Variants in RUSC2 observed in about 807,000 individuals in gnomAD.
The protein encoded by RUSC2 is AP-4 complex accessory subunit RUSC2.
Under a neutral mutation model 122.2 loss-of-function variants are expected in RUSC2, and 34 were observed. The observed-to-expected ratio is 0.28, with a 90% confidence interval of 0.21 to 0.37. The LOEUF (loss-of-function observed/expected upper bound fraction) is 0.37. Ranked by LOEUF, RUSC2 falls within the 10% of genes least tolerant of loss-of-function variation. The pLI is 1.00. For missense variants in RUSC2, 1,747 were observed against 1,952.4 expected, an observed-to-expected ratio of 0.89 and a Z score of 1.98; for synonymous variants, 784 against 790.0, an observed-to-expected ratio of 0.99 and a Z score of 0.13.
chr9:35,502,121 A>C (rs1395966522), intron 1 of RUSC2, among the ~76,000 whole-genome samples: 1 of 152,190 alleles, frequency 6.6e-6, no homozygotes, highest in Non-Finnish European at 1.5e-5. Flanking sequence ...ATTCTGATTC[A>C]GTACATCTGG....
chr9:35,501,088 T>C (rs1355360635), intron 1 of RUSC2, among the ~76,000 whole-genome samples: 3 of 152,226 alleles, frequency 2.0e-5, no homozygotes, highest in Admixed American at 2.0e-4. Context: ...TTTCAAACTT[T>C]TTTTAAAACA....
At chr9:35,501,030 C>T (rs775918674) in intron 1 of RUSC2, among the ~76,000 whole-genome samples, 6 of 152,176 alleles carry the variant, frequency 3.9e-5, no homozygotes, top group Non-Finnish European at 8.8e-5. Context: ...AAAAAGACAG[C>T]TGTGGCTTTT....
chr9:35,496,625 T>C (rs916950995), intron 1 of RUSC2, among the ~76,000 whole-genome samples: 2 of 152,198 alleles, frequency 1.3e-5, no homozygotes, highest in Non-Finnish European at 2.9e-5. Context: ...TTGTTATGAA[T>C]GTAACATGTA....
chr9:35,490,700 G>A (rs1820549727), intron 1 of RUSC2, among the ~76,000 whole-genome samples: 1 of 152,158 alleles, frequency 6.6e-6, no homozygotes, highest in Non-Finnish European at 1.5e-5. Context: ...GCCCGGCGCC[G>A]GCGTTGCTTC....
chr9:35,552,062 TA>T (rs1276355639), intron 2 of RUSC2, among the ~76,000 whole-genome samples: 1 of 149,884 alleles, frequency 6.7e-6, no homozygotes, highest in African/African-American at 2.5e-5. Context: ...ATCCTGTCTC[TA>T]AAAAAAATTA....
intron 1 of RUSC2, among the ~76,000 whole-genome samples, chr9:35,543,589 C>T (rs999583262): frequency 3.2e-4 from 49 of 152,164 alleles, no homozygotes; most frequent in African/African-American, 1.2e-3. Context: ...TTCTTCTATG[C>T]ATACAGACAT....
At chr9:35,553,912 A>C (rs1349734350) in intron 2 of RUSC2, among the ~76,000 whole-genome samples, 2 of 152,226 alleles carry the variant, frequency 1.3e-5, no homozygotes, top group Non-Finnish European at 2.9e-5. Flanking sequence ...CATGTAGTAC[A>C]ATGTGGTAAA....
rs1445968642 is a variant in RUSC2 at position 35,555,895 on chromosome 9, T to G, written c.2657-57T>G. The stretch of plus-strand genomic sequence containing the variant: ...TGGGCCCACTGGGTGGATGTGAAAC[T>G]CTGTCTCGCTGTCTCCTGCCAACTC... On this transcript the variant is annotated intron_variant, in intron 3 of 11. Transcript: ENST00000361226. The surrounding 1 kb of genome is among the most constrained non-coding windows in gnomAD (Gnocchi z 4.6). 3 of 1,578,742 alleles carry G rather than the reference T, an allele frequency of 1.9e-6. No homozygotes were observed. The highest frequency in any genetic ancestry group is 4.5e-5 in the East Asian group (2 of 44,448).
In RUSC2 at chr9:35,510,511, C is replaced by T. The variant is rs369909119; in HGVS notation, c.-93+20339C>T. Among the ~76,000 whole-genome samples, 53 of 152,270 alleles carry T rather than the reference C, an allele frequency of 3.5e-4. 1 individual carries two copies. The highest frequency in any genetic ancestry group is 1.2e-3 in the African/African-American group (48 of 41,552). ...AGCACATTCCAAAGGCCTACTTAAT[C>T]GAGTATACAGTCATAGTTATTTATT... On this transcript the variant is annotated intron_variant, in intron 1 of 11. Coordinates refer to ENST00000361226, the MANE Select transcript of RUSC2 (RefSeq NM_014806.5).
At chr9:35,538,475 C>T (rs893337379) in intron 1 of RUSC2, among the ~76,000 whole-genome samples, 2 of 152,100 alleles carry the variant, frequency 1.3e-5, no homozygotes, top group Non-Finnish European at 2.9e-5. Context: ...GACTGCCCCA[C>T]CCTGAGGCTA....
At chr9:35,532,888 G>C (rs1821448147) in intron 1 of RUSC2, among the ~76,000 whole-genome samples, 1 of 152,042 alleles carries the variant, frequency 6.6e-6, no homozygotes, top group African/African-American at 2.4e-5. Context: ...AAAGATTTCT[G>C]GTGGTTAAGA....
chr9:35,540,322 G>A (rs76657897), intron 1 of RUSC2, among the ~76,000 whole-genome samples: 3,375 of 152,242 alleles, frequency 0.022, 126 homozygotes, highest in African/African-American at 0.074. Context: ...AGCTATGATC[G>A]CATCACTGCA....
rs2131711708 is a variant in RUSC2, at chr9:35,561,787, T to C, written c.*405T>C. On this transcript the variant is annotated 3_prime_UTR_variant, in exon 12 of 12. Transcript: ENST00000361226. ...AAGCCCCCCAGCTGTAAATAGGCTGTGGCCAGTGCCTGGTCATCAGAAGAG... is the reference window on the plus strand; with the variant it reads ...AAGCCCCCCAGCTGTAAATAGGCTGCGGCCAGTGCCTGGTCATCAGAAGAG... The C allele has an allele frequency of 1.8e-6, 1 of 567,962 alleles. No homozygotes were observed. The highest frequency in any genetic ancestry group is 2.9e-5 in the East Asian group (1 of 33,936). The allele number at this position is 567,962 out of a possible 1,614,324, so 35.2% of individuals were successfully genotyped here. A position where few individuals can be genotyped will look rare whatever the true frequency, so the allele number is the denominator to read the frequency against.
intron 1 of RUSC2, among the ~76,000 whole-genome samples, chr9:35,525,665 G>C (rs1821310095): frequency 6.6e-6 from 1 of 152,148 alleles, no homozygotes; most frequent in South Asian, 2.1e-4. Context: ...CTGGCGTGGA[G>C]GCACACTCCT....
chr9:35,542,907 C>T (rs752903765), intron 1 of RUSC2, among the ~76,000 whole-genome samples: 1 of 152,158 alleles, frequency 6.6e-6, no homozygotes, highest in Non-Finnish European at 1.5e-5. Context: ...CAGAATCATA[C>T]ATTCTTTTAT....
chr9:35,557,799 G>A lies in RUSC2; in HGVS notation c.2984-115G>A, dbSNP rs1822054460. On this transcript the variant is annotated intron_variant, in intron 5 of 11. Coordinates refer to ENST00000361226, the MANE Select transcript of RUSC2 (RefSeq NM_014806.5). The surrounding 1 kb of genome is among the most constrained non-coding windows in gnomAD (Gnocchi z 4.6). ...GTTTTGATAAGACCCATGTGCAGAT[G>A]TGGAGACGGAGTAAGTGTGGGAGCC... The A allele has an allele frequency of 2.4e-6, 2 of 819,072 alleles. No homozygotes were observed. Among genetic ancestry groups the A allele is most frequent in the Admixed American group, 3.6e-5 (2 of 56,192 alleles). The allele number at this position is 819,072 out of a possible 1,614,324, so 50.7% of individuals were successfully genotyped here.
At chr9:35,491,654 TA>T (rs1407699666) in intron 1 of RUSC2, among the ~76,000 whole-genome samples, 2 of 152,202 alleles carry the variant, frequency 1.3e-5, no homozygotes, top group Admixed American at 6.5e-5. Context: ...CATGTCTTTA[TA>T]AAGTCTTGGA....
At chr9:35,533,237 A>G (rs1350464317) in intron 1 of RUSC2, among the ~76,000 whole-genome samples, 1 of 107,274 alleles carries the variant, frequency 9.3e-6, no homozygotes, top group East Asian at 2.4e-4. Context: ...ACAGAGCGAG[A>G]CTCTGTCTCA....
In RUSC2 at chr9:35,515,977, C is replaced by T. The variant is rs1316411466; in HGVS notation, c.-93+25805C>T. 4.6e-5 allele frequency among the ~76,000 whole-genome samples: 5 copies of T among 109,060 alleles called. No individual in the cohort carries two copies. The East Asian group carries it at 7.7e-4, about 17-fold the overall frequency. 71.5% of individuals were successfully genotyped at this position (109,060 alleles called of 152,430 possible). A position where few individuals can be genotyped will look rare whatever the true frequency, so the allele number is the denominator to read the frequency against. The stretch of plus-strand genomic sequence containing the variant: ...TTGCGCCACCACATTCCAGCCTGAG[C>T]GACACAGCGAGATTCTTGTCTCAAA... On this transcript the variant is annotated intron_variant, in intron 1 of 11. Coordinates refer to ENST00000361226, the MANE Select transcript of RUSC2 (RefSeq NM_014806.5).
Sources: gnomAD v4.1 joint callset for allele counts (sites outside exome capture counted in the v4.1 genomes callset) on GRCh38, gnomAD v4.1.1 for gene constraint, Gnocchi (gnomAD v3.1) non-coding constraint, MANE v1.5 for transcripts, NCBI Gene and HGNC (gene_info 2026-07-23, HGNC 2026-07-21) for gene names.